Variants in RELCH observed in about 807,000 individuals in gnomAD.
RELCH encodes the protein RAB11-binding protein RELCH.
In RELCH, 41 loss-of-function variants were observed where a neutral mutation model predicts 150.3. The ratio of observed to expected loss-of-function variants is 0.27; its 90% CI spans 0.21 to 0.35. The LOEUF (loss-of-function observed/expected upper bound fraction) is 0.35, where lower values mean the gene tolerates loss of function less well. Ranked by LOEUF, RELCH falls within the 10% of genes least tolerant of loss-of-function variation. RELCH has a pLI of 1.00. For synonymous variants in RELCH, 478 were observed against 531.8 expected (o/e 0.90, Z 1.39); for missense variants, 1,092 against 1,467.8 (o/e 0.74, Z 4.18).
chr18:62,281,929 T>C (rs1360538641), intron 24 of RELCH, among the ~76,000 whole-genome samples: 1 of 152,226 alleles, frequency 6.6e-6, no homozygotes, highest in Non-Finnish European at 1.5e-5. Context: ...TAATGACTCA[T>C]TGCTTTCAGA....
intron 27 of RELCH, among the ~76,000 whole-genome samples, chr18:62,298,062 G>A (rs1208225836): frequency 6.6e-6 from 1 of 151,924 alleles, no homozygotes; most frequent in Non-Finnish European, 1.5e-5. Flanking sequence ...AGCTCCACAA[G>A]TAGGGAATAT....
At chr18:62,224,311 G>A (rs145698645) in intron 5 of RELCH, among the ~76,000 whole-genome samples, 5 of 151,890 alleles carry the variant, frequency 3.3e-5, no homozygotes, top group East Asian at 1.9e-4. Context: ...TCTTTTTTAC[G>A]GCTGCATAGT....
At chr18:62,195,066 C>T (rs1258184854) in intron 1 of RELCH, among the ~76,000 whole-genome samples, 2 of 152,028 alleles carry the variant, frequency 1.3e-5, no homozygotes, top group African/African-American at 2.4e-5. Flanking sequence ...ATTTACAAAA[C>T]ATTCAAATAT....
chr18:62,187,888 G>T lies in RELCH; in HGVS notation c.383G>T (p.Arg128Leu). ...AGTGGCCGGGAGCTGCCTCGGCTGCGCGACTACTTCTCCAATCCAGGCAAC... is the reference window on the plus strand; with the variant it reads ...AGTGGCCGGGAGCTGCCTCGGCTGCTCGACTACTTCTCCAATCCAGGCAAC... ...LESGRELPRL[R>L]DYFSNPGNFE... is the part of the protein sequence containing the mutation. Residue 128 changes from arginine (R) to leucine (L), a missense_variant, in exon 1 of 29, where the codon CGC becomes CTC. By Grantham distance (102) the Arg-to-Leu change is moderately radical. Coordinates refer to ENST00000644646, the MANE Select transcript of RELCH (RefSeq NM_001346231.2). The T allele has an allele frequency of 6.3e-7, 1 of 1,594,634 alleles. No homozygotes were observed. The highest frequency in any genetic ancestry group is 2.3e-5 in the East Asian group (1 of 44,184).
rs1272150676 is a variant in RELCH at position 62,258,108 on chromosome 18, C to T, written c.2037+20C>T. On this transcript the variant is annotated intron_variant, in intron 14 of 28. Coordinates refer to ENST00000644646, the MANE Select transcript of RELCH (RefSeq NM_001346231.2). ...CATCAGGTATGTTTTTCAGAATGAACTGATTTTACTCCATTATAAAATTCC... is the reference window on the plus strand; with the variant it reads ...CATCAGGTATGTTTTTCAGAATGAATTGATTTTACTCCATTATAAAATTCC... 3.2e-6 allele frequency: 5 copies of T among 1,565,800 alleles called. No homozygotes were observed. The highest frequency in any genetic ancestry group is 4.4e-6 in the Non-Finnish European group (5 of 1,148,546).
chr18:62,308,690 C>G lies in RELCH; in HGVS notation c.*3156C>G, dbSNP rs895119314. 2.6e-5 allele frequency: 4 copies of G among 151,992 alleles called. No individual in the cohort carries two copies. The highest frequency in any genetic ancestry group is 4.8e-5 in the African/African-American group (2 of 41,364). The allele number at this position is 151,992 out of a possible 1,614,324, so 9.4% of individuals were successfully genotyped here. A position where few individuals can be genotyped will look rare whatever the true frequency, so the allele number is the denominator to read the frequency against. The stretch of plus-strand genomic sequence containing the variant: ...CGCTATTGCACCACTGCACTCCAGC[C>G]TGGTCCACAGAGCAAGACTCCATCT... On this transcript the variant is annotated 3_prime_UTR_variant, in exon 29 of 29. Transcript: ENST00000644646.
At chr18:62,243,497 T>A (rs1268995126) in intron 10 of RELCH, among the ~76,000 whole-genome samples, 29 of 152,150 alleles carry the variant, frequency 1.9e-4, no homozygotes, top group Admixed American at 1.9e-3. Context: ...AATGGCAGAA[T>A]AAATGTTTCA....
intron 27 of RELCH, among the ~76,000 whole-genome samples, chr18:62,297,557 A>G (rs979181015): frequency 7.9e-5 from 12 of 152,198 alleles, no homozygotes; most frequent in African/African-American, 2.7e-4. Flanking sequence ...CCTGTGAGAC[A>G]AGAGAGTGGG....
At chr18:62,211,502 G>A (rs1238342678) in intron 2 of RELCH, among the ~76,000 whole-genome samples, 1 of 152,188 alleles carries the variant, frequency 6.6e-6, no homozygotes, top group Non-Finnish European at 1.5e-5. Flanking sequence ...CAACCACACA[G>A]TTGTAAAACT....
chr18:62,255,255 G>T, intron 12 of RELCH, 152 bp from the exon 13 acceptor site: 1 of 645,288 alleles, frequency 1.5e-6, no homozygotes, highest in Non-Finnish European at 2.7e-6. Flanking sequence ...CCTCATTCCC[G>T]ATCCAGGTAT....
intron 22 of RELCH, among the ~76,000 whole-genome samples, chr18:62,279,003 C>A (rs1401234581): frequency 1.3e-5 from 2 of 152,074 alleles, no homozygotes; most frequent in Non-Finnish European, 2.9e-5. Context: ...TTCTTGAATG[C>A]CTGTTTGTCA....
Position 62,280,549 on chromosome 18 carries a change from T to C in RELCH, c.3051-97T>C, listed in dbSNP as rs1217359953. 2.0e-5 allele frequency: 25 copies of C among 1,263,396 alleles called. No homozygotes were observed. The East Asian group carries it at 5.8e-4, about 29-fold the overall frequency. 78.3% of individuals were successfully genotyped at this position (1,263,396 alleles called of 1,614,324 possible). A position where few individuals can be genotyped will look rare whatever the true frequency, so the allele number is the denominator to read the frequency against. The stretch of plus-strand genomic sequence containing the variant: ...TTAATTTGTCATTGCTAGAGACTAA[T>C]ACAGTATATTTACCTTGTACTTACT... On this transcript the variant is annotated intron_variant, in intron 23 of 28. Coordinates refer to ENST00000644646, the MANE Select transcript of RELCH (RefSeq NM_001346231.2).
At chr18:62,263,435 A>C (rs2043378597) in intron 16 of RELCH, among the ~76,000 whole-genome samples, 1 of 151,918 alleles carries the variant, frequency 6.6e-6, no homozygotes, top group Admixed American at 6.6e-5. Context: ...CTGACTTTTA[A>C]CAGTAGCTAT....
chr18:62,227,894 G>A (rs549089219), intron 7 of RELCH, among the ~76,000 whole-genome samples: 3 of 152,040 alleles, frequency 2.0e-5, no homozygotes, highest in Admixed American at 6.6e-5. Context: ...AAATCAATAT[G>A]GTGATCTTAC....
chr18:62,192,511 A>G (rs1268838569), intron 1 of RELCH, among the ~76,000 whole-genome samples: 2 of 152,150 alleles, frequency 1.3e-5, no homozygotes, highest in Non-Finnish European at 2.9e-5. Flanking sequence ...AAGGGTTTTC[A>G]TAGTTTTGGG....
At chr18:62,259,524 A>G (rs901663517) in intron 15 of RELCH, among the ~76,000 whole-genome samples, 1 of 151,940 alleles carries the variant, frequency 6.6e-6, no homozygotes, top group Admixed American at 6.6e-5. Flanking sequence ...TTAGTTGTTC[A>G]TAGAAGAATT....
At chr18:62,265,917 G>A (rs1350279332) in intron 18 of RELCH, among the ~76,000 whole-genome samples, 1 of 151,734 alleles carries the variant, frequency 6.6e-6, no homozygotes, top group Non-Finnish European at 1.5e-5. Flanking sequence ...TGTTATTGTA[G>A]GAAAAAGAAA....
intron 16 of RELCH, among the ~76,000 whole-genome samples, chr18:62,262,357 T>G (rs909912538): frequency 6.6e-6 from 1 of 152,068 alleles, no homozygotes; most frequent in East Asian, 1.9e-4. Flanking sequence ...TGCAGCCTTT[T>G]CAGAGTTGTG....
chr18:62,216,294 C>T (rs2040472360), intron 2 of RELCH, among the ~76,000 whole-genome samples: 1 of 152,052 alleles, frequency 6.6e-6, no homozygotes, highest in South Asian at 2.1e-4. Context: ...ATGTCTATAT[C>T]TGTCATAACA....
Sources: gnomAD v4.1 joint callset for allele counts (sites outside exome capture counted in the v4.1 genomes callset) on GRCh38, gnomAD v4.1.1 for gene constraint, MANE v1.5 for transcripts, NCBI Gene and HGNC (gene_info 2026-07-23, HGNC 2026-07-21) for gene names.